Variants in KCNB2 observed in about 807,000 individuals in gnomAD.
KCNB2 encodes delayed rectifier potassium channel protein.
A neutral mutation model predicts 61.5 loss-of-function variants in KCNB2; 15 were observed. The ratio of observed to expected loss-of-function variants is 0.24; its 90% confidence interval spans 0.16 to 0.38. The LOEUF (loss-of-function observed/expected upper bound fraction) is 0.38. Ranked by LOEUF, KCNB2 falls within the 10% of genes least tolerant of loss-of-function variation. The probability of loss-of-function intolerance (pLI) is 1.00; values close to 1 mark genes in which losing one functional copy is unlikely to be tolerated. For missense variants in KCNB2, 828 were observed against 1,125.2 expected, an observed-to-expected ratio of 0.74 and a Z score of 3.78; for synonymous variants, 457 against 446.0, an observed-to-expected ratio of 1.02 and a Z score of -0.31.
intron 2 of KCNB2, among the ~76,000 whole-genome samples, chr8:72,800,227 A>T (rs1165633771): frequency 3.3e-5 from 5 of 152,150 alleles, no homozygotes; most frequent in Non-Finnish European, 7.3e-5. Flanking sequence ...GGATAATTTT[A>T]AAAATAGACC....
intron 2 of KCNB2, among the ~76,000 whole-genome samples, chr8:72,820,256 C>T (rs911617711): frequency 3.3e-5 from 5 of 152,148 alleles, no homozygotes; most frequent in African/African-American, 1.2e-4. Context: ...GTAAGCCCAC[C>T]AACAAGTACT....
chr8:72,716,555 C>A (rs1342618661), intron 2 of KCNB2, among the ~76,000 whole-genome samples: 1 of 152,162 alleles, frequency 6.6e-6, no homozygotes, highest in African/African-American at 2.4e-5. Context: ...GAACCAAAGA[C>A]AAAAACCACA....
intron 2 of KCNB2, among the ~76,000 whole-genome samples, chr8:72,652,150 C>T (rs931167897): frequency 1.3e-5 from 2 of 152,158 alleles, no homozygotes; most frequent in Non-Finnish European, 2.9e-5. Context: ...TTTGTAAAGG[C>T]ATCTCTTTCT....
At chr8:72,621,220 G>A (rs1805708310) in intron 2 of KCNB2, among the ~76,000 whole-genome samples, 1 of 152,128 alleles carries the variant, frequency 6.6e-6, no homozygotes, top group Non-Finnish European at 1.5e-5. Flanking sequence ...TGTTCCAAGT[G>A]ACTCAATCCC....
chr8:72,835,904 C>T (rs1003260854), intron 2 of KCNB2, among the ~76,000 whole-genome samples: 1 of 152,236 alleles, frequency 6.6e-6, no homozygotes, highest in Non-Finnish European at 1.5e-5. Context: ...GTACACAGGC[C>T]TCAACATTTG....
At chr8:72,921,750 G>A (rs977624622) in intron 2 of KCNB2, among the ~76,000 whole-genome samples, 3 of 152,140 alleles carry the variant, frequency 2.0e-5, no homozygotes, top group Non-Finnish European at 4.4e-5. Context: ...CTGCGGTTTA[G>A]AATGCAGGTG....
intron 2 of KCNB2, among the ~76,000 whole-genome samples, chr8:72,798,465 T>A (rs530966892): frequency 4.6e-5 from 7 of 152,242 alleles, no homozygotes; most frequent in Admixed American, 6.5e-5. Flanking sequence ...GTTCACTAAG[T>A]GCTTGTGAAA....
At chr8:72,795,216 G>C (rs1296634746) in intron 2 of KCNB2, among the ~76,000 whole-genome samples, 1 of 152,188 alleles carries the variant, frequency 6.6e-6, no homozygotes, top group Non-Finnish European at 1.5e-5. Context: ...GTGTTACAAA[G>C]TAGACAAATA....
intron 2 of KCNB2, among the ~76,000 whole-genome samples, chr8:72,605,098 A>T (rs1805423849): frequency 6.6e-6 from 1 of 152,238 alleles, no homozygotes. Flanking sequence ...CAAATATGCA[A>T]TAAGAAAGTA....
chr8:72,554,173 AGTTCCT>A, intron 1 of KCNB2, among the ~76,000 whole-genome samples: 1 of 152,220 alleles, frequency 6.6e-6, no homozygotes. Context: ...CAAAACCAAA[AGTTCCT>A]GTAATATTCT....
intron 1 of KCNB2, among the ~76,000 whole-genome samples, chr8:72,538,094 TGAAAAGCTTCCCA>T (rs1563516850): frequency 6.6e-6 from 1 of 152,006 alleles, no homozygotes; most frequent in Non-Finnish European, 1.5e-5. Flanking sequence ...TATTAGCCCC[TGAAAAGCTTCCCA>T]GCAGCCTGAC....
At chr8:72,741,127 A>G (rs1049616908) in intron 2 of KCNB2, among the ~76,000 whole-genome samples, 4 of 152,242 alleles carry the variant, frequency 2.6e-5, no homozygotes, top group African/African-American at 4.8e-5. Flanking sequence ...CTGACATTTC[A>G]TAGAAGCTGA....
At chr8:72,615,430 T>C (rs757153995) in intron 2 of KCNB2, among the ~76,000 whole-genome samples, 2 of 152,210 alleles carry the variant, frequency 1.3e-5, no homozygotes, top group African/African-American at 2.4e-5. Flanking sequence ...TTCTCAGTTG[T>C]ACGAGAATTC....
chr8:72,904,114 A>C (rs185606627), intron 2 of KCNB2, among the ~76,000 whole-genome samples: 7 of 152,070 alleles, frequency 4.6e-5, no homozygotes, highest in African/African-American at 1.7e-4. Context: ...TTCTATTTTC[A>C]TCTATTACTA....
Position 72,821,649 on chromosome 8 carries a change from A to C in KCNB2, c.580-114286A>C, listed in dbSNP as rs866989051. ...ACACACACAAAAAAAAACAAAAAAAAAAAAAAAAAAACACACACACACCAA... is the reference window on the plus strand; with the variant it reads ...ACACACACAAAAAAAAACAAAAAAACAAAAAAAAAAACACACACACACCAA... On this transcript the variant is annotated intron_variant, in intron 2 of 2. Transcript: ENST00000523207. Among the ~76,000 whole-genome samples, 490 of 144,646 alleles carry C rather than the reference A, an allele frequency of 3.4e-3. 3 individuals carry two copies. Among genetic ancestry groups the C allele is most frequent in the African/African-American group, 9.9e-3 (382 of 38,736 alleles). 94.9% of individuals were successfully genotyped at this position (144,646 alleles called of 152,430 possible). A position where few individuals can be genotyped will look rare whatever the true frequency, so the allele number is the denominator to read the frequency against.
chr8:72,693,078 TGTCTTC>T, intron 2 of KCNB2, among the ~76,000 whole-genome samples: 1 of 152,350 alleles, frequency 6.6e-6, no homozygotes, highest in African/African-American at 2.4e-5. Context: ...CTGTGACAGC[TGTCTTC>T]TGGCCACCAG....
At chr8:72,717,164 G>C (rs994786836) in intron 2 of KCNB2, among the ~76,000 whole-genome samples, 1 of 152,132 alleles carries the variant, frequency 6.6e-6, no homozygotes, top group South Asian at 2.1e-4. Context: ...AACAAAAGAG[G>C]CTACAAACAA....
chr8:72,775,940 A>G (rs899882776), intron 2 of KCNB2, among the ~76,000 whole-genome samples: 1 of 152,176 alleles, frequency 6.6e-6, no homozygotes, highest in Non-Finnish European at 1.5e-5. Context: ...TGCTATGAAG[A>G]CACATGCACA....
intron 2 of KCNB2, among the ~76,000 whole-genome samples, chr8:72,599,761 A>AC (rs1280868885): frequency 6.6e-6 from 1 of 152,164 alleles, no homozygotes; most frequent in Non-Finnish European, 1.5e-5. Flanking sequence ...AAAAAAACAA[A>AC]CAACCCCATC....
Sources: gnomAD v4.1 joint callset for allele counts (sites outside exome capture counted in the v4.1 genomes callset) on GRCh38, gnomAD v4.1.1 for gene constraint, MANE v1.5 for transcripts, NCBI Gene and HGNC (gene_info 2026-07-23, HGNC 2026-07-21) for gene names.